The following CNTNAP2 variants were observed in gnomAD, a reference collection of about 807,000 sequenced individuals.
The protein encoded by CNTNAP2 is contactin-associated protein-like 2.
A neutral mutation model predicts 155.2 loss-of-function variants in CNTNAP2; 98 were observed. That is an observed-to-expected ratio of 0.63 (90% CI 0.54 to 0.75). CNTNAP2 has a LOEUF of 0.75. Ranked by LOEUF, CNTNAP2 falls within the 30% of genes least tolerant of loss-of-function variation. CNTNAP2 has a pLI of 0.00. For synonymous variants in CNTNAP2, 651 were observed against 631.2 expected (o/e 1.03, Z -0.47); for missense variants, 1,727 against 1,688.1 (o/e 1.02, Z -0.40).
At chr7:147,531,256 TA>T (rs1238243052) in intron 11 of CNTNAP2, among the ~76,000 whole-genome samples, 1 of 152,190 alleles carries the variant, frequency 6.6e-6, no homozygotes, top group East Asian at 1.9e-4. Flanking sequence ...GCCCTCTTCT[TA>T]CAGCTCCACT....
chr7:146,747,030 AATATGTTTAATCC>A (rs1801820836), intron 1 of CNTNAP2, among the ~76,000 whole-genome samples: 1 of 152,146 alleles, frequency 6.6e-6, no homozygotes, highest in Non-Finnish European at 1.5e-5. Flanking sequence ...ATTCTTAAGG[AATATGTTTAATCC>A]ATCTATGTAG....
chr7:146,525,577 TCTCTATCTATC>T lies in CNTNAP2; in HGVS notation c.98-248693_98-248683del, dbSNP rs1207222194. Among the ~76,000 whole-genome samples the T allele has an allele frequency of 5.4e-3, 718 of 132,208 alleles. 6 individuals carry two copies. Among genetic ancestry groups the T allele is most frequent in the African/African-American group, 0.028 (685 of 24,260 alleles). The allele number at this position is 132,208 out of a possible 152,430, so 86.7% of individuals were successfully genotyped here. A position where few individuals can be genotyped will look rare whatever the true frequency, so the allele number is the denominator to read the frequency against. On this transcript the variant is annotated intron_variant, in intron 1 of 23. Transcript: ENST00000361727. ...CTATCTATCTATCTATCTATCTATC[TCTCTATCTATC>T]ATCTATCTATCATCTTGATGTATTG...
intron 13 of CNTNAP2, among the ~76,000 whole-genome samples, chr7:147,764,513 C>T (rs1463091673): frequency 2.0e-5 from 3 of 152,128 alleles, no homozygotes; most frequent in Non-Finnish European, 1.5e-5. Flanking sequence ...CTCCTATTTC[C>T]TAGTGGAAGG....
chr7:146,220,575 A>G (rs1799190834), intron 1 of CNTNAP2, among the ~76,000 whole-genome samples: 1 of 152,214 alleles, frequency 6.6e-6, no homozygotes, highest in South Asian at 2.1e-4. Flanking sequence ...ATAAATATAT[A>G]GTAAAACTTA....
intron 21 of CNTNAP2, among the ~76,000 whole-genome samples, chr7:148,289,255 A>T (rs1563027324): frequency 6.6e-6 from 1 of 152,178 alleles, no homozygotes; most frequent in Non-Finnish European, 1.5e-5. Flanking sequence ...TTCTGTGAAA[A>T]GCAGGTGGAG....
chr7:147,404,904 T>A lies in CNTNAP2; in HGVS notation c.1670+9124T>A, dbSNP rs1018437842. On this transcript the variant is annotated intron_variant, in intron 10 of 23. Transcript: ENST00000361727. ...GAATACTAGAGTGACAAAAACATATTCTTTTTTAAAAAAAGGTAGTGAAAT... is the reference window on the plus strand; with the variant it reads ...GAATACTAGAGTGACAAAAACATATACTTTTTTAAAAAAAGGTAGTGAAAT... Among the ~76,000 whole-genome samples, 34 of 152,120 alleles carry A rather than the reference T, an allele frequency of 2.2e-4. 1 individual carries two copies. Among genetic ancestry groups the A allele is most frequent in the Admixed American group, 2.2e-3 (34 of 15,276 alleles).
chr7:148,089,690 T>C (rs1172943063), intron 15 of CNTNAP2, among the ~76,000 whole-genome samples: 2 of 151,750 alleles, frequency 1.3e-5, no homozygotes, highest in East Asian at 3.9e-4. Context: ...TTGAAGAATA[T>C]TGTTAAGAAT....
At chr7:147,780,989 A>G (rs1050931728) in intron 13 of CNTNAP2, among the ~76,000 whole-genome samples, 1 of 152,214 alleles carries the variant, frequency 6.6e-6, no homozygotes, top group Non-Finnish European at 1.5e-5. Flanking sequence ...TCTGCTTAAT[A>G]TCACTTTCTG....
intron 8 of CNTNAP2, among the ~76,000 whole-genome samples, chr7:147,167,078 G>A (rs1307754535): frequency 6.6e-6 from 1 of 151,990 alleles, no homozygotes; most frequent in Non-Finnish European, 1.5e-5. Context: ...AAATCGGATG[G>A]AAACTGACAT....
chr7:147,747,704 A>T (rs1428897680), intron 13 of CNTNAP2, among the ~76,000 whole-genome samples: 1 of 152,154 alleles, frequency 6.6e-6, no homozygotes, highest in Non-Finnish European at 1.5e-5. Flanking sequence ...ACTACTTTCC[A>T]TTCCCACTAA....
chr7:146,420,778 A>G (rs1796000479), intron 1 of CNTNAP2, among the ~76,000 whole-genome samples: 1 of 152,124 alleles, frequency 6.6e-6, no homozygotes, highest in Admixed American at 6.6e-5. Flanking sequence ...TGAGTTATAT[A>G]AGACACATCA....
chr7:148,079,834 A>G (rs1803561575), intron 15 of CNTNAP2, among the ~76,000 whole-genome samples: 1 of 152,182 alleles, frequency 6.6e-6, no homozygotes, highest in African/African-American at 2.4e-5. Flanking sequence ...GGAGGAGGGT[A>G]TAATGAGGCA....
At chr7:148,207,721 T>C (rs1329119535) in intron 18 of CNTNAP2, among the ~76,000 whole-genome samples, 1 of 152,084 alleles carries the variant, frequency 6.6e-6, no homozygotes, top group African/African-American at 2.4e-5. Flanking sequence ...AAGAAGGACA[T>C]GGTTAGACTA....
chr7:146,709,318 C>T (rs1015938715), intron 1 of CNTNAP2, among the ~76,000 whole-genome samples: 1 of 152,142 alleles, frequency 6.6e-6, no homozygotes, highest in African/African-American at 2.4e-5. Flanking sequence ...ACCATGCATT[C>T]TAACCATGAA....
chr7:146,316,553 TA>T (rs1053690300), intron 1 of CNTNAP2, among the ~76,000 whole-genome samples: 124 of 151,972 alleles, frequency 8.2e-4, no homozygotes, highest in Non-Finnish European at 1.4e-3. Flanking sequence ...AATTACATAT[TA>T]AAAAAAATTA....
intron 1 of CNTNAP2, among the ~76,000 whole-genome samples, chr7:146,587,892 TTGAACTCCTGACCTCA>T (rs934019166): frequency 2.0e-5 from 3 of 152,088 alleles, no homozygotes; most frequent in Admixed American, 2.0e-4. Context: ...CAGGCTAGTC[TTGAACTCCTGACCTCA>T]GGTGATCTGC....
intron 3 of CNTNAP2, among the ~76,000 whole-genome samples, chr7:146,935,395 G>A (rs1230574688): frequency 1.3e-5 from 2 of 152,198 alleles, no homozygotes; most frequent in African/African-American, 4.8e-5. Context: ...CAATGTAGGT[G>A]AGAGACTTAA....
intron 11 of CNTNAP2, among the ~76,000 whole-genome samples, chr7:147,509,182 T>C (rs753853739): frequency 1.7e-4 from 26 of 152,204 alleles, no homozygotes; most frequent in Admixed American, 2.0e-4. Context: ...CAAGTCTCTT[T>C]GATTGCAGGA....
chr7:146,381,715 G>A (rs182724341), intron 1 of CNTNAP2, among the ~76,000 whole-genome samples: 174 of 152,300 alleles, frequency 1.1e-3, no homozygotes, highest in Middle Eastern at 6.8e-3. Context: ...CCAGAAAGAA[G>A]AGCTAAAGAT....
Sources: allele counts gnomAD v4.1 joint callset (sites outside exome capture counted in the v4.1 genomes callset), GRCh38; gene constraint gnomAD v4.1.1; transcripts MANE v1.5; gene names NCBI Gene and HGNC (gene_info 2026-07-23, HGNC 2026-07-21).